Variants in PPP2R5E observed in about 807,000 individuals in gnomAD.
The protein encoded by PPP2R5E is serine/threonine-protein phosphatase 2A 56 kDa regulatory subunit epsilon isoform.
A neutral mutation model predicts 65.3 loss-of-function variants in PPP2R5E; 4 were observed. The ratio of observed to expected loss-of-function variants is 0.06; its 90% CI spans 0.03 to 0.14. The LOEUF (loss-of-function observed/expected upper bound fraction) is 0.14, where lower values mean the gene tolerates loss of function less well. Among genes scored for constraint, PPP2R5E ranks in the 10% least tolerant of loss-of-function variants. PPP2R5E has a pLI of 1.00. For synonymous variants in PPP2R5E, 183 were observed against 187.4 expected (o/e 0.98, Z 0.19); for missense variants, 274 against 556.1 (o/e 0.49, Z 5.10).
intron 2 of PPP2R5E, among the ~76,000 whole-genome samples, chr14:63,470,820 C>T (rs1056095523): frequency 1.4e-5 from 2 of 147,116 alleles, no homozygotes; most frequent in African/African-American, 2.5e-5. Context: ...GAAAGACCTC[C>T]GTCTCTACAA....
At chr14:63,466,864 T>C (rs1372045488) in intron 2 of PPP2R5E, among the ~76,000 whole-genome samples, 1 of 152,146 alleles carries the variant, frequency 6.6e-6, no homozygotes, top group East Asian at 1.9e-4. Flanking sequence ...AGAACAGTAA[T>C]GCAGAGAGTT....
chr14:63,522,844 G>A lies in PPP2R5E; in HGVS notation c.157+16685C>T, dbSNP rs563351636. Among the ~76,000 whole-genome samples the A allele has an allele frequency of 5.3e-3, 798 of 150,536 alleles. 7 individuals are homozygous for A. Among genetic ancestry groups the A allele is most frequent in the African/African-American group, 0.018 (754 of 40,812 alleles). On this transcript the variant is annotated intron_variant, in intron 2 of 13. Coordinates refer to ENST00000337537, the MANE Select transcript of PPP2R5E (RefSeq NM_006246.5). The stretch of plus-strand genomic sequence containing the variant: ...CACCCACCGCCAGGCCAGCCGCCCC[G>A]TCCAGGAGGGAGGTGGGGGGGGTCA...
At chr14:63,429,112 T>C (rs1342817809) in intron 3 of PPP2R5E, among the ~76,000 whole-genome samples, 1 of 152,210 alleles carries the variant, frequency 6.6e-6, no homozygotes, top group Non-Finnish European at 1.5e-5. Context: ...TCTGGTACAC[T>C]GGGCATGTAA....
intron 2 of PPP2R5E, among the ~76,000 whole-genome samples, chr14:63,517,148 A>G (rs1173032670): frequency 6.6e-6 from 1 of 152,142 alleles, no homozygotes; most frequent in Non-Finnish European, 1.5e-5. Context: ...GTTAACTATG[A>G]CACCCTGAGG....
chr14:63,486,083 GC>G (rs1890980145), intron 2 of PPP2R5E, among the ~76,000 whole-genome samples: 1 of 151,938 alleles, frequency 6.6e-6, no homozygotes, highest in African/African-American at 2.4e-5. Context: ...GCCCACCTCG[GC>G]CTCCCAAAGT....
chr14:63,381,617 C>A (rs1884362841), intron 13 of PPP2R5E, among the ~76,000 whole-genome samples: 1 of 152,130 alleles, frequency 6.6e-6, no homozygotes, highest in African/African-American at 2.4e-5. Flanking sequence ...AATAAGTGTG[C>A]AAAAATGAAT....
At chr14:63,376,746 A>G (rs1361322937) in intron 13 of PPP2R5E, among the ~76,000 whole-genome samples, 1 of 152,236 alleles carries the variant, frequency 6.6e-6, no homozygotes, top group Non-Finnish European at 1.5e-5. Flanking sequence ...GATTTTTAAC[A>G]TCAACCAAGT....
rs965250282 is a variant in PPP2R5E at position 63,374,551 on chromosome 14, C to T, written c.*1458G>A. On this transcript the variant is annotated 3_prime_UTR_variant, in exon 14 of 14. Coordinates refer to ENST00000337537, the MANE Select transcript of PPP2R5E (RefSeq NM_006246.5). Reference sequence around the variant, plus strand: ...ATAATGCAACTGCATTAGGTAAGTACATACTGTACACAAATTTTATCAGCA... The same window carrying T: ...ATAATGCAACTGCATTAGGTAAGTATATACTGTACACAAATTTTATCAGCA... The T allele has an allele frequency of 4.0e-5, 6 of 149,242 alleles. No homozygotes were observed. The highest frequency in any genetic ancestry group is 7.5e-5 in the African/African-American group (3 of 40,128). 9.2% of individuals were successfully genotyped at this position (149,242 alleles called of 1,614,324 possible).
intron 2 of PPP2R5E, among the ~76,000 whole-genome samples, chr14:63,522,175 AC>A (rs1285347447): frequency 1.3e-5 from 2 of 152,014 alleles, no homozygotes; most frequent in Non-Finnish European, 2.9e-5. Flanking sequence ...CCAGCTCCTA[AC>A]CGCGAGTGAT....
chr14:63,397,314 C>G (rs1284774450), intron 5 of PPP2R5E, among the ~76,000 whole-genome samples: 1 of 152,016 alleles, frequency 6.6e-6, no homozygotes, highest in Non-Finnish European at 1.5e-5. Context: ...CCAGCCTGGC[C>G]AACATGGTGA....
At chr14:63,447,314 T>C (rs1421556620) in intron 3 of PPP2R5E, among the ~76,000 whole-genome samples, 4 of 152,210 alleles carry the variant, frequency 2.6e-5, no homozygotes, top group Non-Finnish European at 5.9e-5. Flanking sequence ...CTCAGCTAAG[T>C]CTTCTGGACA....
At chr14:63,464,782 G>A (rs936366058) in intron 2 of PPP2R5E, among the ~76,000 whole-genome samples, 6 of 152,182 alleles carry the variant, frequency 3.9e-5, no homozygotes, top group Non-Finnish European at 7.4e-5. Context: ...AGCACCTCGG[G>A]GAGGCCGAGG....
intron 5 of PPP2R5E, among the ~76,000 whole-genome samples, chr14:63,407,926 C>T (rs191543728): frequency 1.1e-4 from 16 of 152,298 alleles, no homozygotes; most frequent in African/African-American, 2.6e-4. Context: ...CTTGAACTTC[C>T]CAGCCTCCAG....
intron 9 of PPP2R5E, 49 bp from the exon 10 acceptor site, chr14:63,391,916 A>G (rs369213359): frequency 6.9e-6 from 11 of 1,605,334 alleles, no homozygotes; most frequent in Middle Eastern, 1.7e-4. Flanking sequence ...TTTCATATAT[A>G]CTTCTGGGAA....
At chr14:63,486,585 C>G (rs561764538) in intron 2 of PPP2R5E, among the ~76,000 whole-genome samples, 1 of 151,942 alleles carries the variant, frequency 6.6e-6, no homozygotes, top group South Asian at 2.1e-4. Context: ...TTGGGTTATA[C>G]CAGAATATAA....
intron 2 of PPP2R5E, among the ~76,000 whole-genome samples, chr14:63,456,853 G>A (rs901133532): frequency 3.3e-5 from 5 of 152,064 alleles, no homozygotes; most frequent in African/African-American, 1.2e-4. Flanking sequence ...AAAGCATCAT[G>A]CTAAACCCCT....
chr14:63,480,042 G>A (rs1890613903), intron 2 of PPP2R5E, among the ~76,000 whole-genome samples: 3 of 152,198 alleles, frequency 2.0e-5, no homozygotes, highest in Admixed American at 6.5e-5. Context: ...AGAAAGGACA[G>A]TATAATAAAC....
At chr14:63,438,775 G>A (rs762344931) in intron 3 of PPP2R5E, among the ~76,000 whole-genome samples, 2 of 152,080 alleles carry the variant, frequency 1.3e-5, no homozygotes, top group African/African-American at 4.8e-5. Flanking sequence ...CCTCTCTTTA[G>A]CACATTTAAA....
At position 63,518,257 on chromosome 14, in the gene PPP2R5E, T is replaced by C. The variant is rs145103865; in HGVS notation, c.157+21272A>G. Reference sequence around the variant, plus strand: ...TTCCTGGCCCAGATTTTTTTGTTTGTTTATTTATTGGTCTCACTCTGTCAC... The same window carrying C: ...TTCCTGGCCCAGATTTTTTTGTTTGCTTATTTATTGGTCTCACTCTGTCAC... On this transcript the variant is annotated intron_variant, in intron 2 of 13. Coordinates refer to ENST00000337537, the MANE Select transcript of PPP2R5E (RefSeq NM_006246.5). Among the ~76,000 whole-genome samples, 396 of 152,180 alleles carry C rather than the reference T, an allele frequency of 2.6e-3. 1 individual carries two copies. The highest frequency in any genetic ancestry group is 4.1e-3 in the Non-Finnish European group (279 of 67,994).
Sources: allele counts gnomAD v4.1 joint callset (sites outside exome capture counted in the v4.1 genomes callset), GRCh38; gene constraint gnomAD v4.1.1; transcripts MANE v1.5; gene names NCBI Gene and HGNC (gene_info 2026-07-23, HGNC 2026-07-21).